CSGALNACT1: variants seen among roughly 807,000 people sequenced by gnomAD.
CSGALNACT1 encodes beta4GalNAcT-1.
Under a neutral mutation model 51.0 loss-of-function variants are expected in CSGALNACT1, and 52 were observed. The observed-to-expected ratio is 1.02, with a 90% CI of 0.82 to 1.29. The LOEUF is 1.29. Ranked by LOEUF, CSGALNACT1 falls within the 50% of genes most tolerant of loss-of-function variation. The pLI, the probability that CSGALNACT1 is intolerant of heterozygous loss-of-function variation, is 0.00. For missense variants in CSGALNACT1, 935 were observed against 679.2 expected, an observed-to-expected ratio of 1.38 and a Z score of -4.19; for synonymous variants, 341 against 254.4, an observed-to-expected ratio of 1.34 and a Z score of -3.24.
At chr8:19,518,896 G>T (rs540704845) in intron 3 of CSGALNACT1, among the ~76,000 whole-genome samples, 124 of 152,242 alleles carry the variant, frequency 8.1e-4, no homozygotes, top group Non-Finnish European at 1.3e-3. Context: ...AGCGAAACAG[G>T]CTCAACTTTA....
intron 3 of CSGALNACT1, among the ~76,000 whole-genome samples, chr8:19,560,662 A>G (rs2040500485): frequency 6.6e-6 from 1 of 152,238 alleles, no homozygotes; most frequent in South Asian, 2.1e-4. Flanking sequence ...AAATAAAACC[A>G]CAAAGAGATA....
rs2059374516 is a variant in CSGALNACT1 at position 19,667,008 on chromosome 8, AAAG to A, written c.-544+15462_-544+15464del. On this transcript the variant is annotated intron_variant, in intron 1 of 9. Transcript: ENST00000332246. ...GAAAGAAAGAAAGAAAGAAAGAAAG[AAAG>A]AAAGAAAGGAAGGAAGGAAGGAAGG... Among the ~76,000 whole-genome samples, 24 of 31,454 alleles carry A rather than the reference AAAG, an allele frequency of 7.6e-4. 2 individuals are homozygous for A. The highest frequency in any genetic ancestry group is 3.0e-3 in the African/African-American group (14 of 4,704). The allele number at this position is 31,454 out of a possible 152,430, so 20.6% of individuals were successfully genotyped here.
chr8:19,447,333 C>T (rs2062310928), intron 5 of CSGALNACT1, among the ~76,000 whole-genome samples: 1 of 152,130 alleles, frequency 6.6e-6, no homozygotes, highest in Non-Finnish European at 1.5e-5. Flanking sequence ...GGAAAAGCCA[C>T]AAGAAAACTC....
At chr8:19,478,111 G>A (rs2070254982) in intron 4 of CSGALNACT1, among the ~76,000 whole-genome samples, 1 of 147,812 alleles carries the variant, frequency 6.8e-6, no homozygotes, top group Admixed American at 7.0e-5. Flanking sequence ...CATTTGGGGA[G>A]CTTTAAAAAT....
rs552972812 is a variant in CSGALNACT1 at position 19,748,695 on chromosome 8, T to C, written c.-297+9155A>G. Among the ~76,000 whole-genome samples the C allele has an allele frequency of 1.4e-4, 21 of 152,324 alleles. 1 individual carries two copies. The South Asian group carries it at 4.2e-3, about 30-fold the overall frequency. On this transcript the variant is annotated intron_variant, in intron 1 of 1. Coordinates refer to the CSGALNACT1 transcript ENST00000517494. Reference sequence around the variant, plus strand: ...AAAGAATTAAGTAGGCTGAGCGCAGTGGCTCACATCTGTAAACCCAGCACT... The same window carrying C: ...AAAGAATTAAGTAGGCTGAGCGCAGCGGCTCACATCTGTAAACCCAGCACT...
At chr8:19,478,936 G>T (rs1052232739) in intron 4 of CSGALNACT1, among the ~76,000 whole-genome samples, 3 of 152,110 alleles carry the variant, frequency 2.0e-5, no homozygotes, top group African/African-American at 7.2e-5. Flanking sequence ...TTGGATGGTA[G>T]GAAAAACACC....
intron 1 of CSGALNACT1, among the ~76,000 whole-genome samples, chr8:19,619,726 T>A (rs946801714): frequency 1.3e-5 from 2 of 152,192 alleles, no homozygotes; most frequent in Admixed American, 1.3e-4. Context: ...CGTGTCACAA[T>A]AACAAAACAG....
intron 1 of CSGALNACT1, among the ~76,000 whole-genome samples, chr8:19,718,009 G>T (rs1465546823): frequency 6.6e-6 from 1 of 152,162 alleles, no homozygotes; most frequent in Non-Finnish European, 1.5e-5. Flanking sequence ...CCATCGCAGG[G>T]CTGGGCATCA....
At chr8:19,719,514 C>T (rs577212193) in intron 1 of CSGALNACT1, among the ~76,000 whole-genome samples, 1 of 152,152 alleles carries the variant, frequency 6.6e-6, no homozygotes, top group Non-Finnish European at 1.5e-5. Context: ...AGGAATCTCC[C>T]ATCGTTTTCA....
Position 19,584,704 on chromosome 8 carries a change from A to G in CSGALNACT1, c.-297+6456T>C, listed in dbSNP as rs1158346377. The stretch of plus-strand genomic sequence containing the variant: ...TGGCTATGATATTGTTTTCTTTCAC[A>G]GTATGTCCTAGAATGACTGCTGACA... On this transcript the variant is annotated intron_variant, in intron 3 of 9. Coordinates refer to ENST00000454498, the Ensembl canonical transcript of CSGALNACT1. 2.6e-5 allele frequency among the ~76,000 whole-genome samples: 4 copies of G among 152,238 alleles called. No individual in the cohort carries two copies. The East Asian group carries it at 7.7e-4, about 29-fold the overall frequency.
chr8:19,515,644 G>A (rs1422029923), intron 3 of CSGALNACT1, among the ~76,000 whole-genome samples: 1 of 152,212 alleles, frequency 6.6e-6, no homozygotes, highest in Non-Finnish European at 1.5e-5. Flanking sequence ...GCTGGCACCT[G>A]CTAATCAGAA....
intron 3 of CSGALNACT1, among the ~76,000 whole-genome samples, chr8:19,580,945 A>G (rs1223502476): frequency 6.6e-6 from 1 of 152,220 alleles, no homozygotes; most frequent in Non-Finnish European, 1.5e-5. Context: ...AAGAAAATCT[A>G]ATCAGAAGCA....
At chr8:19,497,210 G>T (rs4322019) in intron 4 of CSGALNACT1, among the ~76,000 whole-genome samples, 2 of 152,124 alleles carry the variant, frequency 1.3e-5, no homozygotes, top group Non-Finnish European at 2.9e-5. Context: ...CAGTTAAGCT[G>T]GTAAGCTGTG....
chr8:19,634,663 TA>T (rs1402563988), intron 1 of CSGALNACT1, among the ~76,000 whole-genome samples: 1 of 152,102 alleles, frequency 6.6e-6, no homozygotes, highest in Non-Finnish European at 1.5e-5. Context: ...CCTGTCTCAA[TA>T]TTTTTTTTAA....
intron 4 of CSGALNACT1, among the ~76,000 whole-genome samples, chr8:19,476,059 A>C (rs969010724): frequency 1.3e-5 from 2 of 152,226 alleles, no homozygotes; most frequent in African/African-American, 4.8e-5. Flanking sequence ...AAATTCCTAC[A>C]GTAACTTTAT....
At chr8:19,700,361 T>C (rs1329459431) in intron 1 of CSGALNACT1, among the ~76,000 whole-genome samples, 1 of 152,158 alleles carries the variant, frequency 6.6e-6, no homozygotes, top group Non-Finnish European at 1.5e-5. Flanking sequence ...TGCCATGGTG[T>C]CCTTCCTTAT....
intron 1 of CSGALNACT1, among the ~76,000 whole-genome samples, chr8:19,632,454 C>T (rs1362052336): frequency 1.3e-5 from 2 of 152,192 alleles, no homozygotes; most frequent in East Asian, 3.9e-4. Flanking sequence ...AACCAAATGG[C>T]AAAGCATTTA....
chr8:19,577,928 C>T (rs1466281838), intron 3 of CSGALNACT1, among the ~76,000 whole-genome samples: 1 of 152,156 alleles, frequency 6.6e-6, no homozygotes, highest in Non-Finnish European at 1.5e-5. Flanking sequence ...AGCCCTCTGC[C>T]ACAGTTAATT....
At position 19,666,760 on chromosome 8, in the gene CSGALNACT1, G is replaced by GAAAGA. The variant is rs1554794191; in HGVS notation, c.-544+15712_-544+15713insTCTTT. Among the ~76,000 whole-genome samples the GAAAGA allele has an allele frequency of 2.5e-4, 14 of 56,588 alleles. 2 individuals are homozygous for GAAAGA. Among genetic ancestry groups the GAAAGA allele is most frequent in the Non-Finnish European group, 4.5e-4 (14 of 31,218 alleles). 37.1% of individuals were successfully genotyped at this position (56,588 alleles called of 152,430 possible). On this transcript the variant is annotated intron_variant, in intron 1 of 9. Transcript: ENST00000332246. ...AGAAACACAAGAAACAAGAAAGAAAGAAGAAAGAAAGAAAGAAAGAAAGAA... is the reference window on the plus strand; with the variant it reads ...AGAAACACAAGAAACAAGAAAGAAAGAAAGAAAGAAAGAAAGAAAGAAAGAAAGAA...
Sources: allele counts gnomAD v4.1 joint callset (sites outside exome capture counted in the v4.1 genomes callset), GRCh38; gene constraint gnomAD v4.1.1; transcripts MANE v1.5; gene names NCBI Gene and HGNC (gene_info 2026-07-23, HGNC 2026-07-21).